NRSN2: variants seen among roughly 807,000 people sequenced by gnomAD.
NRSN2 encodes the protein neurensin 2.
A neutral mutation model predicts 11.1 loss-of-function variants in NRSN2; 10 were observed. That is an observed-to-expected ratio of 0.90 (90% CI 0.56 to 1.53). The LOEUF is 1.53. Ranked by LOEUF, NRSN2 falls within the 40% of genes most tolerant of loss-of-function variation. The probability of loss-of-function intolerance (pLI) is 0.00; values close to 1 mark genes in which losing one functional copy is unlikely to be tolerated. For synonymous variants in NRSN2, 100 were observed against 117.0 expected (o/e 0.86, Z 0.94); for missense variants, 260 against 273.7 (o/e 0.95, Z 0.35).
rs2014194993 is a variant in NRSN2 at position 353,874 on chromosome 20, C to T, written c.*239C>T. On this transcript the variant is annotated 3_prime_UTR_variant, in exon 5 of 5. Transcript: ENST00000382285. ...TCCTACCCACACCCTCTTCCCAAGG[C>T]CCTCAGGGGCAGAAAACATCTCCTT... The T allele has an allele frequency of 1.8e-6, 1 of 543,814 alleles. No individual in the cohort carries two copies. 33.7% of individuals were successfully genotyped at this position (543,814 alleles called of 1,614,324 possible).
In NRSN2 at chr20:353,858, C is replaced by T. The variant is rs1201295123; in HGVS notation, c.*223C>T. On this transcript the variant is annotated 3_prime_UTR_variant, in exon 5 of 5. Coordinates refer to ENST00000382285, the MANE Select transcript of NRSN2 (RefSeq NM_001323682.2). ...AAGTCCTCCCAAAACTTCCTACCCA[C>T]ACCCTCTTCCCAAGGCCCTCAGGGG... 3 of 563,478 alleles carry T rather than the reference C, an allele frequency of 5.3e-6. No individual in the cohort carries two copies. The Admixed American group carries it at 1.1e-4, about 20-fold the overall frequency. The allele number at this position is 563,478 out of a possible 1,614,324, so 34.9% of individuals were successfully genotyped here.
intron 4 of NRSN2, among the ~76,000 whole-genome samples, chr20:350,437 C>A (rs1303198684): frequency 6.7e-6 from 1 of 149,158 alleles, no homozygotes; most frequent in Non-Finnish European, 1.5e-5. Flanking sequence ...TGAGATCAAT[C>A]CATTGCACTC....
rs2014123086 is a variant in NRSN2 at position 353,271 on chromosome 20, A to C, written c.251A>C (p.Tyr84Ser). 23 of 1,613,850 alleles carry C rather than the reference A, an allele frequency of 1.4e-5. 1 individual carries two copies. The highest frequency in any genetic ancestry group is 1.9e-5 in the Non-Finnish European group (22 of 1,179,986). ...LLGVAALTTG[Y>S]AVPPKLEGIG... The stretch of plus-strand genomic sequence containing the variant: ...GGTGTGGCGGCTCTGACCACTGGCT[A>C]TGCAGTGCCCCCCAAGCTGGAGGGC... The change falls in exon 5 of 5, where the codon TAT becomes TCT. Residue 84 changes from tyrosine (Y) to serine (S), a missense_variant. Transcript: ENST00000382285.
chr20:350,347 C>T (rs1396713819), intron 4 of NRSN2, among the ~76,000 whole-genome samples: 3 of 151,722 alleles, frequency 2.0e-5, no homozygotes, highest in African/African-American at 7.3e-5. Context: ...GGTGTGGTGG[C>T]GGGCGCCTGT....
At chr20:350,454 G>A (rs2013845031) in intron 4 of NRSN2, among the ~76,000 whole-genome samples, 1 of 147,836 alleles carries the variant, frequency 6.8e-6, no homozygotes, top group Non-Finnish European at 1.5e-5. Flanking sequence ...ACTCCAGCCT[G>A]GGTGAAAGAG....
chr20:353,179 A>G, intron 4 of NRSN2, 31 bp from the exon 5 acceptor site: 2 of 1,604,672 alleles, frequency 1.2e-6, no homozygotes, highest in South Asian at 2.2e-5. Context: ...GCTGACCCTG[A>G]CTGCTTCCTG....
Position 353,280 on chromosome 20 carries a change from C to T in NRSN2, c.260C>T (p.Pro87Leu). ...VAALTTGYAV[P>L]PKLEGIGEGE... ...GCTCTGACCACTGGCTATGCAGTGC[C>T]CCCCAAGCTGGAGGGCATCGGTGAG... The change falls in exon 5 of 5, where the codon CCC (proline) becomes CTC (leucine). Residue 87 changes from proline (P) to leucine (L), a missense_variant. Physicochemically the swap from Pro to Leu is moderately conservative, Grantham distance 98. Transcript: ENST00000382285. The T allele has an allele frequency of 6.2e-7, 1 of 1,614,012 alleles. No homozygotes were observed. Among genetic ancestry groups the T allele is most frequent in the Non-Finnish European group, 8.5e-7 (1 of 1,180,010 alleles).
In NRSN2 at chr20:353,645, A is replaced by G; in HGVS notation, c.*10A>G. 1 of 1,604,524 alleles carries G rather than the reference A, an allele frequency of 6.2e-7. No homozygotes were observed. Among genetic ancestry groups the G allele is most frequent in the African/African-American group, 1.4e-5 (1 of 72,332 alleles). On this transcript the variant is annotated 3_prime_UTR_variant, in exon 5 of 5. Coordinates refer to ENST00000382285, the MANE Select transcript of NRSN2 (RefSeq NM_001323682.2). ...CAAGAGGGACTCCTGAGCTGCCCAC[A>G]TGGCCTAAGATGTGGGTCCTGGATC...
At chr20:353,103 A>ATG (rs1478327982) in intron 4 of NRSN2, 107 bp from the exon 5 acceptor site, 1 of 960,450 alleles carries the variant, frequency 1.0e-6, no homozygotes, top group East Asian at 2.4e-5. Context: ...TCTCCTGAGG[A>ATG]TGGATCAAGG....
intron 4 of NRSN2, 77 bp downstream of exon 4, chr20:349,909 A>T: frequency 7.0e-7 from 1 of 1,424,516 alleles, no homozygotes; most frequent in Non-Finnish European, 9.6e-7. Context: ...GCTCAGAGGA[A>T]AAAAGAAGAG....
chr20:353,293 G>T lies in NRSN2; in HGVS notation c.273G>T (p.Glu91Asp), dbSNP rs1363917183. Residue 91 changes from glutamate (E) to aspartate (D), a missense_variant, in exon 5 of 5, where the codon GAG (glutamate) becomes GAT (aspartate). Coordinates refer to ENST00000382285, the MANE Select transcript of NRSN2 (RefSeq NM_001323682.2). ...TTGYAVPPKL[E>D]GIGEGEFLVL... Reference sequence around the variant, plus strand: ...GCTATGCAGTGCCCCCCAAGCTGGAGGGCATCGGTGAGGGTGAGTTCCTGG... The same window carrying T: ...GCTATGCAGTGCCCCCCAAGCTGGATGGCATCGGTGAGGGTGAGTTCCTGG... 1 of 1,613,984 alleles carries T rather than the reference G, an allele frequency of 6.2e-7. No homozygotes were observed. The highest frequency in any genetic ancestry group is 1.3e-5 in the African/African-American group (1 of 74,922).
chr20:348,602 T>C (rs1014672387), intron 2 of NRSN2, among the ~76,000 whole-genome samples: 1 of 150,908 alleles, frequency 6.6e-6, no homozygotes, highest in Admixed American at 6.7e-5. Context: ...TTCGGTGAGT[T>C]TCTCTATGCA....
chr20:349,971 C>T (rs1173444045), intron 4 of NRSN2, 139 bp downstream of exon 4: 3 of 637,326 alleles, frequency 4.7e-6, no homozygotes, highest in African/African-American at 1.8e-5. Flanking sequence ...AAACCCAATT[C>T]AAATGGGTTT....
intron 3 of NRSN2, 24 bp from the exon 4 acceptor site, chr20:349,614 A>G: frequency 6.3e-7 from 1 of 1,587,046 alleles, no homozygotes; most frequent in Non-Finnish European, 8.6e-7. Flanking sequence ...TCCCTCCGTC[A>G]GCTGCACCTT....
At chr20:348,219 C>T (rs2013601047) in intron 2 of NRSN2, 1 of 151,714 alleles carries the variant, frequency 6.6e-6, no homozygotes, top group African/African-American at 2.4e-5. Context: ...TGGCCGCACC[C>T]TCCGCACAGC....
At position 353,357 on chromosome 20, in the gene NRSN2, G is replaced by A. The variant is rs148868789; in HGVS notation, c.337G>A (p.Gly113Ser). The A allele has an allele frequency of 8.1e-6, 13 of 1,613,906 alleles. No individual in the cohort carries two copies. The African/African-American group carries it at 1.3e-4, about 17-fold the overall frequency. Residue 113 changes from glycine to serine, a missense_variant, in exon 5 of 5, where the codon GGC becomes AGC. Transcript: ENST00000382285. ...GGCAGCCGACTACAACCAGGCCCTG[G>A]GCACCTGTCGCCTGGCAGGCACAGC... ...QRAADYNQAL[G>S]TCRLAGTALC...
chr20:348,674 C>T (rs2013674545), intron 2 of NRSN2, among the ~76,000 whole-genome samples: 1 of 151,702 alleles, frequency 6.6e-6, no homozygotes, highest in African/African-American at 2.4e-5. Flanking sequence ...TTATCTTACC[C>T]TTTGGAACAA....
intron 2 of NRSN2, among the ~76,000 whole-genome samples, chr20:348,755 C>G (rs1378996188): frequency 6.6e-6 from 1 of 151,608 alleles, no homozygotes; most frequent in Non-Finnish European, 1.5e-5. Flanking sequence ...GGGTAGAAGC[C>G]CAGTCCTCCC....
intron 2 of NRSN2, among the ~76,000 whole-genome samples, chr20:348,853 G>GA (rs113478639): frequency 0.021 from 2,995 of 139,504 alleles, 86 homozygotes; most frequent in African/African-American, 0.066. Context: ...CACTTTTGTG[G>GA]AAAAAAAAAA....
Sources: allele counts gnomAD v4.1 joint callset (sites outside exome capture counted in the v4.1 genomes callset), GRCh38; gene constraint gnomAD v4.1.1; transcripts MANE v1.5; gene names NCBI Gene and HGNC (gene_info 2026-07-23, HGNC 2026-07-21).